The following CNBD1 variants were observed in gnomAD, a reference collection of about 807,000 sequenced individuals.
CNBD1 encodes the protein cyclic nucleotide-binding domain-containing protein 1.
CNBD1 carries 71 observed loss-of-function variants against 54.4 expected under a neutral mutation model. The observed-to-expected ratio is 1.30, with a 90% CI of 1.08 to 1.59. The LOEUF is 1.59. CNBD1 is among the 40% of genes most tolerant of loss of function. The pLI, the probability that CNBD1 is intolerant of heterozygous loss-of-function variation, is 0.00. For missense variants in CNBD1, 659 were observed against 518.0 expected, an observed-to-expected ratio of 1.27 and a Z score of -2.64; for synonymous variants, 182 against 170.7, an observed-to-expected ratio of 1.07 and a Z score of -0.51.
intron 8 of CNBD1, among the ~76,000 whole-genome samples, chr8:87,334,655 G>A (rs1208836456): frequency 6.7e-6 from 1 of 149,476 alleles, no homozygotes; most frequent in Admixed American, 6.7e-5. Context: ...GGAGCAAGTT[G>A]TTCAATTTCT....
intron 4 of CNBD1, among the ~76,000 whole-genome samples, chr8:87,075,119 T>C (rs927585669): frequency 1.3e-5 from 2 of 152,226 alleles, no homozygotes; most frequent in Non-Finnish European, 2.9e-5. Flanking sequence ...CTATGGCACA[T>C]AGTGAGCATA....
intron 8 of CNBD1, among the ~76,000 whole-genome samples, chr8:87,344,638 C>G (rs531897262): frequency 5.4e-4 from 82 of 151,720 alleles, no homozygotes; most frequent in Non-Finnish European, 1.1e-3. Flanking sequence ...TAATGTAAAC[C>G]AAGCAGAATA....
At chr8:87,374,712 A>G (rs112667966) in intron 10 of CNBD1, among the ~76,000 whole-genome samples, 2,866 of 151,928 alleles carry the variant, frequency 0.019, 90 homozygotes, top group African/African-American at 0.062. Context: ...TTTTTCCATG[A>G]TCTCACTCAC....
intron 4 of CNBD1, among the ~76,000 whole-genome samples, chr8:87,075,078 TA>T (rs953829003): frequency 1.3e-5 from 2 of 152,198 alleles, no homozygotes; most frequent in African/African-American, 4.8e-5. Flanking sequence ...TTATGAATAT[TA>T]AATAAGTTAT....
rs550811509 is a variant in CNBD1, at chr8:87,329,535, TATA to T, written c.1043-22146_1043-22144del. On this transcript the variant is annotated intron_variant, in intron 8 of 10. Coordinates refer to ENST00000518476, the MANE Select transcript of CNBD1 (RefSeq NM_173538.3). ...ATATTGGAGCCTTGCATTCATGAAA[TATA>T]ATATCTCTCCAGTTATATAGTACTT... Among the ~76,000 whole-genome samples the T allele has an allele frequency of 7.0e-4, 106 of 152,284 alleles. 1 individual carries two copies. The highest frequency in any genetic ancestry group is 2.5e-3 in the African/African-American group (104 of 41,580).
chr8:87,288,248 C>A (rs1808731696), intron 8 of CNBD1, among the ~76,000 whole-genome samples: 2 of 151,816 alleles, frequency 1.3e-5, no homozygotes, highest in South Asian at 4.1e-4. Flanking sequence ...AATAATTTTT[C>A]ACCATATTTG....
chr8:86,890,201 C>G (rs1808747455), intron 2 of CNBD1, among the ~76,000 whole-genome samples: 1 of 151,942 alleles, frequency 6.6e-6, no homozygotes, highest in Non-Finnish European at 1.5e-5. Context: ...CTTTTTACTC[C>G]TGTTTAATTG....
chr8:87,399,222 G>C (rs1183015159), intron 2 of CNBD1, among the ~76,000 whole-genome samples: 1 of 151,908 alleles, frequency 6.6e-6, no homozygotes, highest in Non-Finnish European at 1.5e-5. Flanking sequence ...TTAAATATGA[G>C]ACATGGTACT....
chr8:87,174,587 T>C (rs1813159015), intron 4 of CNBD1, among the ~76,000 whole-genome samples: 1 of 152,142 alleles, frequency 6.6e-6, no homozygotes, highest in Non-Finnish European at 1.5e-5. Flanking sequence ...TGGTGCCTTT[T>C]TTAGTTCTGT....
intron 4 of CNBD1, among the ~76,000 whole-genome samples, chr8:87,029,968 C>T (rs931798849): frequency 2.9e-4 from 44 of 152,000 alleles, no homozygotes; most frequent in Admixed American, 2.0e-4. Flanking sequence ...CAAATATAGT[C>T]AATTGAAAGT....
chr8:87,388,804 A>T (rs1248924324), intron 2 of CNBD1, among the ~76,000 whole-genome samples: 2 of 152,350 alleles, frequency 1.3e-5, no homozygotes, highest in South Asian at 2.1e-4. Context: ...ACAAAAAAAG[A>T]CAATTTTAGA....
At chr8:86,911,793 A>G (rs911515413) in intron 3 of CNBD1, among the ~76,000 whole-genome samples, 1 of 152,204 alleles carries the variant, frequency 6.6e-6, no homozygotes, top group African/African-American at 2.4e-5. Context: ...AACGTAAAAA[A>G]TCAGTAGCAT....
intron 6 of CNBD1, among the ~76,000 whole-genome samples, chr8:87,247,838 G>T (rs1313664313): frequency 6.6e-6 from 1 of 152,136 alleles, no homozygotes; most frequent in South Asian, 2.1e-4. Context: ...TTAAGTTCAG[G>T]TGACATTTTT....
At chr8:87,317,914 G>A (rs1586007813) in intron 8 of CNBD1, among the ~76,000 whole-genome samples, 1 of 151,390 alleles carries the variant, frequency 6.6e-6, no homozygotes, top group African/African-American at 2.4e-5. Context: ...TCTTCTCTGT[G>A]TCTTATTTTA....
At chr8:87,000,646 C>A (rs970273322) in intron 4 of CNBD1, among the ~76,000 whole-genome samples, 1 of 152,044 alleles carries the variant, frequency 6.6e-6, no homozygotes, top group African/African-American at 2.4e-5. Context: ...AGATATTATG[C>A]CTGGGAATAT....
chr8:87,376,507 T>C (rs894555634), intron 10 of CNBD1, among the ~76,000 whole-genome samples: 1 of 151,888 alleles, frequency 6.6e-6, no homozygotes, highest in Middle Eastern at 3.2e-3. Context: ...TTTTTAACAG[T>C]AAAAACCGGC....
chr8:86,868,570 A>T (rs1177406116), intron 1 of CNBD1, among the ~76,000 whole-genome samples: 1 of 100,782 alleles, frequency 9.9e-6, no homozygotes, highest in African/African-American at 4.1e-5. Context: ...TCACCTCGTG[A>T]TCTGCCCCCC....
intron 4 of CNBD1, among the ~76,000 whole-genome samples, chr8:87,096,213 T>C (rs1811316988): frequency 6.6e-6 from 1 of 152,184 alleles, no homozygotes; most frequent in Non-Finnish European, 1.5e-5. Context: ...GTTTTCACAA[T>C]TCTGGAGACT....
At chr8:87,359,020 A>C (rs1312680655) in intron 10 of CNBD1, among the ~76,000 whole-genome samples, 2 of 152,156 alleles carry the variant, frequency 1.3e-5, no homozygotes, top group Non-Finnish European at 2.9e-5. Flanking sequence ...CTCTCTAAAA[A>C]ACACCCTCAA....
Sources: allele counts gnomAD v4.1 joint callset (sites outside exome capture counted in the v4.1 genomes callset), GRCh38; gene constraint gnomAD v4.1.1; transcripts MANE v1.5; gene names NCBI Gene and HGNC (gene_info 2026-07-23, HGNC 2026-07-21).